The following SPATA6L variants were observed in gnomAD, a reference collection of about 807,000 sequenced individuals.
SPATA6L encodes the protein spermatogenesis associated 6-like protein.
A neutral mutation model predicts 49.2 loss-of-function variants in SPATA6L; 68 were observed. That is an observed-to-expected ratio of 1.38 (90% CI 1.14 to 1.69). The LOEUF (loss-of-function observed/expected upper bound fraction) is 1.69. SPATA6L is among the 40% of genes most tolerant of loss of function. SPATA6L has a pLI of 0.00. For missense variants in SPATA6L, 668 were observed against 464.3 expected (o/e 1.44, Z -4.03); for synonymous variants, 198 against 165.7 (o/e 1.19, Z -1.50).
intron 3 of SPATA6L, among the ~76,000 whole-genome samples, chr9:4,654,212 G>T (rs1326015662): frequency 2.6e-5 from 4 of 152,334 alleles, no homozygotes; most frequent in Non-Finnish European, 5.9e-5. Context: ...GATGTAAAAT[G>T]ATTCAGCTGC....
chr9:4,629,559 GA>G (rs1188457942), intron 4 of SPATA6L, among the ~76,000 whole-genome samples: 3 of 151,768 alleles, frequency 2.0e-5, no homozygotes, highest in Non-Finnish European at 4.4e-5. Context: ...CCATGGAATT[GA>G]ATGAGATTAC....
rs535752309 is a variant in SPATA6L, at chr9:4,615,072, C to G, written c.995+2851G>C. On this transcript the variant is annotated intron_variant, in intron 9 of 11. Transcript: ENST00000682582. ...TAACTGCTGGAAGCTGACAGTGCCC[C>G]TGCCTCCCACCTGCCATCACTCACC... is the stretch of plus-strand genomic sequence containing the variant. Among the ~76,000 whole-genome samples, 6 of 152,260 alleles carry G rather than the reference C, an allele frequency of 3.9e-5. No homozygotes were observed. The East Asian group carries it at 9.6e-4, about 24-fold the overall frequency.
downstream of SPATA6L, among the ~76,000 whole-genome samples, chr9:4,596,922 C>A (rs1033288469): frequency 5.9e-5 from 9 of 152,096 alleles, no homozygotes; most frequent in African/African-American, 2.2e-4. Flanking sequence ...ATAGGGGGAG[C>A]AATGCTTTCC....
chr9:4,642,752 A>C (rs1373802402), intron 3 of SPATA6L, among the ~76,000 whole-genome samples: 1 of 151,492 alleles, frequency 6.6e-6, no homozygotes. Flanking sequence ...ACAACAAAAC[A>C]GGGAAAATAT....
chr9:4,607,166 G>A (rs1270377122), intron 9 of SPATA6L, among the ~76,000 whole-genome samples: 1 of 152,226 alleles, frequency 6.6e-6, no homozygotes, highest in South Asian at 2.1e-4. Flanking sequence ...ATCTACGTCT[G>A]ATTGGTATAC....
chr9:4,605,967 G>T (rs554093852), intron 9 of SPATA6L, among the ~76,000 whole-genome samples: 1 of 152,182 alleles, frequency 6.6e-6, no homozygotes, highest in Non-Finnish European at 1.5e-5. Flanking sequence ...CCGTGCGCGA[G>T]CCGAAGCAGG....
At chr9:4,657,497 G>A (rs1266550982) in intron 2 of SPATA6L, among the ~76,000 whole-genome samples, 1 of 151,758 alleles carries the variant, frequency 6.6e-6, no homozygotes, top group Non-Finnish European at 1.5e-5. Context: ...TAAGACTGGT[G>A]TCCTTAGGAA....
intron 7 of SPATA6L, among the ~76,000 whole-genome samples, chr9:4,619,453 T>C (rs1361988352): frequency 6.6e-6 from 1 of 152,092 alleles, no homozygotes; most frequent in Non-Finnish European, 1.5e-5. Context: ...CCTCTGGACG[T>C]TTTGTTTTCA....
chr9:4,620,544 T>C (rs975475867), intron 7 of SPATA6L, among the ~76,000 whole-genome samples: 1 of 152,242 alleles, frequency 6.6e-6, no homozygotes, highest in East Asian at 1.9e-4. Flanking sequence ...TGAGAAGCAC[T>C]GCTGTGTTCT....
intron 2 of SPATA6L, among the ~76,000 whole-genome samples, chr9:4,657,036 A>G (rs1838435084): frequency 6.6e-6 from 1 of 152,210 alleles, no homozygotes; most frequent in Non-Finnish European, 1.5e-5. Flanking sequence ...ATATCTGTCT[A>G]GCCATTGCCA....
intron 3 of SPATA6L, chr9:4,646,482 A>G (rs1486808993): frequency 4.0e-6 from 6 of 1,517,486 alleles, no homozygotes; most frequent in Non-Finnish European, 5.3e-6. Flanking sequence ...TTACTGCCAC[A>G]TTACCTGGAG....
At chr9:4,645,750 A>G (rs924212908) in intron 3 of SPATA6L, among the ~76,000 whole-genome samples, 4 of 152,224 alleles carry the variant, frequency 2.6e-5, no homozygotes, top group South Asian at 2.1e-4. Flanking sequence ...ATAAAAGGCC[A>G]CATATTGTAG....
At chr9:4,619,108 T>C (rs57324868) in intron 7 of SPATA6L, among the ~76,000 whole-genome samples, 2,159 of 152,064 alleles carry the variant, frequency 0.014, 52 homozygotes, top group African/African-American at 0.05. Context: ...TTTTGCTTTG[T>C]TTTGTTTTTT....
rs531306557 is a variant in SPATA6L, at chr9:4,659,633, C to A, written c.177+2266G>T. Among the ~76,000 whole-genome samples the A allele has an allele frequency of 1.7e-3, 255 of 152,296 alleles. 5 individuals are homozygous for A. In the South Asian group the frequency reaches 0.022, roughly 13 times the overall value. ...GTAATTTATAGACTCAATGCCATCCCCATCAAGCTACCAATGACTTTCTTC... is the reference window on the plus strand; with the variant it reads ...GTAATTTATAGACTCAATGCCATCCACATCAAGCTACCAATGACTTTCTTC... On this transcript the variant is annotated intron_variant, in intron 2 of 11. Coordinates refer to ENST00000682582, the MANE Select transcript of SPATA6L (RefSeq NM_001353486.2).
At chr9:4,623,899 T>C (rs538295566) in intron 6 of SPATA6L, among the ~76,000 whole-genome samples, 16 of 152,350 alleles carry the variant, frequency 1.1e-4, no homozygotes, top group South Asian at 6.2e-4. Flanking sequence ...AGATTGGTTG[T>C]TAGATTTTTG....
At chr9:4,626,430 G>A (rs1286627301) in intron 5 of SPATA6L, 5 of 1,304,000 alleles carry the variant, frequency 3.8e-6, no homozygotes, top group African/African-American at 1.5e-5. Context: ...TCCCACCTTC[G>A]AATTCCTGAA....
chr9:4,612,120 A>C (rs1826905980), intron 9 of SPATA6L, among the ~76,000 whole-genome samples: 1 of 151,890 alleles, frequency 6.6e-6, no homozygotes, highest in Non-Finnish European at 1.5e-5. Flanking sequence ...GACTACAGGT[A>C]TGCACCACCA....
Position 4,661,747 on chromosome 9 carries a change from GTT to G in SPATA6L, c.177+150_177+151del, listed in dbSNP as rs1397517755. The G allele has an allele frequency of 3.7e-4, 106 of 282,978 alleles. No individual in the cohort carries two copies. In the African/African-American group the frequency reaches 4.1e-3, roughly 11 times the overall value. 17.5% of individuals were successfully genotyped at this position (282,978 alleles called of 1,614,324 possible). ...TCAGACCTGCATTACAAAAGCAAGTGTTCCGACTGCGGTTTTGCATTGTGCTG... is the reference window on the plus strand; with the variant it reads ...TCAGACCTGCATTACAAAAGCAAGTGCCGACTGCGGTTTTGCATTGTGCTG... On this transcript the variant is annotated intron_variant, in intron 2 of 11. Coordinates refer to ENST00000682582, the MANE Select transcript of SPATA6L (RefSeq NM_001353486.2).
chr9:4,653,855 T>C (rs1227043046), intron 3 of SPATA6L, among the ~76,000 whole-genome samples: 2 of 152,212 alleles, frequency 1.3e-5, no homozygotes, highest in Non-Finnish European at 2.9e-5. Context: ...GAAGATCACT[T>C]GAGCCCAGAA....
Sources: gnomAD v4.1 joint callset for allele counts (sites outside exome capture counted in the v4.1 genomes callset) on GRCh38, gnomAD v4.1.1 for gene constraint, MANE v1.5 for transcripts, NCBI Gene and HGNC (gene_info 2026-07-23, HGNC 2026-07-21) for gene names.